Variants in TIE1 observed in about 807,000 individuals in gnomAD.
TIE1 encodes the protein tyrosine-protein kinase receptor Tie-1.
A neutral mutation model predicts 130.5 loss-of-function variants in TIE1; 89 were observed. The observed-to-expected ratio is 0.68, with a 90% CI of 0.57 to 0.81. The LOEUF is 0.81. Ranked by LOEUF, TIE1 falls within the 40% of genes least tolerant of loss-of-function variation. The pLI is 0.00. For missense variants in TIE1, 1,392 were observed against 1,559.8 expected, an observed-to-expected ratio of 0.89 and a Z score of 1.81; for synonymous variants, 568 against 629.4, an observed-to-expected ratio of 0.90 and a Z score of 1.46.
chr1:43,312,739 C>A lies in TIE1; in HGVS notation c.1927+138C>A. On this transcript the variant is annotated intron_variant, in intron 12 of 22. Coordinates refer to ENST00000372476, the MANE Select transcript of TIE1 (RefSeq NM_005424.5). This position sits in a 1 kb window ranked among gnomAD's most constrained non-coding sequence, Gnocchi z 5.6. Reference sequence around the variant, plus strand: ...CACAGGACACACATAGGGTATTAGGCAGACGTGACCCCAGCGGGGACATGG... The same window carrying A: ...CACAGGACACACATAGGGTATTAGGAAGACGTGACCCCAGCGGGGACATGG... 9.8e-7 allele frequency: 1 copy of A among 1,024,244 alleles called. No homozygotes were observed. Among genetic ancestry groups the A allele is most frequent in the Non-Finnish European group, 1.4e-6 (1 of 725,362 alleles). The allele number at this position is 1,024,244 out of a possible 1,614,324, so 63.4% of individuals were successfully genotyped here.
At chr1:43,310,240 T>C (rs2153911454) in intron 9 of TIE1, among the ~76,000 whole-genome samples, 1 of 152,274 alleles carries the variant, frequency 6.6e-6, no homozygotes, top group South Asian at 2.1e-4. Context: ...TGACTATGCA[T>C]GACTCTCTGC....
In TIE1 at chr1:43,313,809, C is replaced by T; in HGVS notation, c.2250C>T (p.Ser750=). The T allele has an allele frequency of 6.2e-7, 1 of 1,613,534 alleles. No homozygotes were observed. The highest frequency in any genetic ancestry group is 8.5e-7 in the Non-Finnish European group (1 of 1,179,816). ...GLQAEGPVQE[S]RAAEEGLDQQ... Reference sequence around the variant, plus strand: ...AGGCTGAGGGCCCAGTCCAAGAGAGCCGGGCAGCTGAAGAGGGCCTGGATC... The same window carrying T: ...AGGCTGAGGGCCCAGTCCAAGAGAGTCGGGCAGCTGAAGAGGGCCTGGATC... The change falls in exon 14 of 23, where the codon AGC becomes AGT. Residue 750 remains serine (S), a synonymous_variant. Transcript: ENST00000372476. This position sits in a 1 kb window ranked among gnomAD's most constrained non-coding sequence, Gnocchi z 6.2.
intron 9 of TIE1, 136 bp from the exon 10 acceptor site, chr1:43,311,535 C>T: frequency 8.3e-7 from 1 of 1,203,250 alleles, no homozygotes; most frequent in East Asian, 2.4e-5. Flanking sequence ...ACTCTGTCCT[C>T]CCTGGGCCCT....
At position 43,318,184 on chromosome 1, in the gene TIE1, A is replaced by C; in HGVS notation, c.2922+112A>C. ...TCTGGGGATTGAGGTTCCTGGCCCA[A>C]GTGTGTGGGTGGGTGCAAGCACAGC... On this transcript the variant is annotated intron_variant, in intron 17 of 22. Transcript: ENST00000372476. This position sits in a 1 kb window ranked among gnomAD's most constrained non-coding sequence, Gnocchi z 4.4. 7.4e-7 allele frequency: 1 copy of C among 1,347,456 alleles called. No individual in the cohort carries two copies. The allele number at this position is 1,347,456 out of a possible 1,614,324, so 83.5% of individuals were successfully genotyped here.
chr1:43,310,242 ACT>A (rs925404476), intron 9 of TIE1, among the ~76,000 whole-genome samples: 4 of 151,154 alleles, frequency 2.6e-5, no homozygotes, highest in East Asian at 3.9e-4. Context: ...ACTATGCATG[ACT>A]CTCTGCCATC....
chr1:43,313,717 G>C lies in TIE1; in HGVS notation c.2219-61G>C. The C allele has an allele frequency of 6.6e-7, 1 of 1,519,226 alleles. No homozygotes were observed. Among genetic ancestry groups the C allele is most frequent in the African/African-American group, 1.4e-5 (1 of 72,894 alleles). 94.1% of individuals were successfully genotyped at this position (1,519,226 alleles called of 1,614,324 possible). ...CACCTCTCCCTCTGTGTAACCCCATGGTGGCCTCTGGGTTCCCTGACCCAG... is the reference window on the plus strand; with the variant it reads ...CACCTCTCCCTCTGTGTAACCCCATCGTGGCCTCTGGGTTCCCTGACCCAG... On this transcript the variant is annotated intron_variant, in intron 13 of 22. Coordinates refer to ENST00000372476, the MANE Select transcript of TIE1 (RefSeq NM_005424.5). The surrounding 1 kb of genome is among the most constrained non-coding windows in gnomAD (Gnocchi z 6.2).
chr1:43,312,440 G>T lies in TIE1; in HGVS notation c.1766G>T (p.Arg589Leu), dbSNP rs148519949. Residue 589 changes from arginine (R) to leucine (L), a missense_variant, in exon 12 of 23, where the codon CGG becomes CTG. Arg to Leu is a moderately radical substitution (Grantham distance 102, BLOSUM62 -2). Coordinates refer to ENST00000372476, the MANE Select transcript of TIE1 (RefSeq NM_005424.5). This position sits in a 1 kb window ranked among gnomAD's most constrained non-coding sequence, Gnocchi z 5.6. Reference protein sequence around the residue: ...GFLLRLWDGTRGQERRENVSS... With the variant: ...GFLLRLWDGTLGQERRENVSS... Reference sequence around the variant, plus strand: ...CTGCTGCGCCTGTGGGACGGGACACGGGGGCAGGAGCGGCGGGAGAACGTC... The same window carrying T: ...CTGCTGCGCCTGTGGGACGGGACACTGGGGCAGGAGCGGCGGGAGAACGTC... The T allele has an allele frequency of 6.2e-7, 1 of 1,611,840 alleles. No homozygotes were observed.
rs1241297936 is a variant in TIE1 at position 43,319,832 on chromosome 1, G to A, written c.3107+303G>A. Reference sequence around the variant, plus strand: ...CTGGCGGATGCTTCCTGAGGTAGATGGAGAGGCCACTCAGGAATTGCTCTC... The same window carrying A: ...CTGGCGGATGCTTCCTGAGGTAGATAGAGAGGCCACTCAGGAATTGCTCTC... On this transcript the variant is annotated intron_variant, in intron 19 of 22. Transcript: ENST00000372476. The surrounding 1 kb of genome is among the most constrained non-coding windows in gnomAD (Gnocchi z 4.7). The A allele has an allele frequency of 2.5e-6, 1 of 401,592 alleles. No individual in the cohort carries two copies. The highest frequency in any genetic ancestry group is 2.0e-5 in the African/African-American group (1 of 49,296). 24.9% of individuals were successfully genotyped at this position (401,592 alleles called of 1,614,324 possible).
chr1:43,312,355 C>A lies in TIE1; in HGVS notation c.1681C>A (p.Arg561=). 1 of 1,576,096 alleles carries A rather than the reference C, an allele frequency of 6.3e-7. No homozygotes were observed. ...LEGWHVEGTD[R]LRVSWSLPLV... ...GGGCTGGCATGTGGAAGGCACTGACCGGCTGCGAGTGAGCTGGTCCTTGCC... is the reference window on the plus strand; with the variant it reads ...GGGCTGGCATGTGGAAGGCACTGACAGGCTGCGAGTGAGCTGGTCCTTGCC... The change falls in exon 12 of 23, where the codon CGG becomes AGG. Residue 561 remains arginine, a synonymous_variant. Transcript: ENST00000372476. This position sits in a 1 kb window ranked among gnomAD's most constrained non-coding sequence, Gnocchi z 5.6.
In TIE1 at chr1:43,318,245, T is replaced by C. The variant is rs1570450929; in HGVS notation, c.2922+173T>C. Reference sequence around the variant, plus strand: ...GGCCAAGGGGCAGGTCTGGAGGAGGTGGGGACTTCCAGTATGGAGGGTGCG... The same window carrying C: ...GGCCAAGGGGCAGGTCTGGAGGAGGCGGGGACTTCCAGTATGGAGGGTGCG... On this transcript the variant is annotated intron_variant, in intron 17 of 22. Coordinates refer to ENST00000372476, the MANE Select transcript of TIE1 (RefSeq NM_005424.5). The surrounding 1 kb of genome is among the most constrained non-coding windows in gnomAD (Gnocchi z 4.4). Among the ~76,000 whole-genome samples the C allele has an allele frequency of 6.6e-6, 1 of 151,602 alleles. No homozygotes were observed. The highest frequency in any genetic ancestry group is 2.4e-5 in the African/African-American group (1 of 41,236).
Position 43,317,334 on chromosome 1 carries a change from A to C in TIE1, c.2545A>C (p.Asn849His). Residue 849 changes from asparagine (N) to histidine (H), a missense_variant, in exon 15 of 23, where the codon AAC becomes CAC. This residue lies in a region of TIE1 where 286 missense variants were observed against 354.4 expected (regional missense o/e 0.81). Coordinates refer to ENST00000372476, the MANE Select transcript of TIE1 (RefSeq NM_005424.5). The surrounding 1 kb of genome is among the most constrained non-coding windows in gnomAD (Gnocchi z 5.1). ...CTTTGAGGACCTCATCGGGGAGGGGAACTTCGGCCAGGTCATCCGGGCCAT... is the reference window on the plus strand; with the variant it reads ...CTTTGAGGACCTCATCGGGGAGGGGCACTTCGGCCAGGTCATCCGGGCCAT... ...ITFEDLIGEG[N>H]FGQVIRAMIK... The C allele has an allele frequency of 6.2e-7, 1 of 1,613,906 alleles. No homozygotes were observed. The highest frequency in any genetic ancestry group is 1.6e-4 in the Middle Eastern group (1 of 6,062).
At position 43,312,275 on chromosome 1, in the gene TIE1, A is replaced by T. The variant is rs1480759103; in HGVS notation, c.1631-30A>T. ...CTGTCCAGCCCCAAGTACCTACTGG[A>T]CAGTTCTGACCCCTGACCTCTGGCC... is the stretch of plus-strand genomic sequence containing the variant. On this transcript the variant is annotated intron_variant, in intron 11 of 22. Transcript: ENST00000372476. The surrounding 1 kb of genome is among the most constrained non-coding windows in gnomAD (Gnocchi z 5.6). 22 of 1,522,538 alleles carry T rather than the reference A, an allele frequency of 1.4e-5. No individual in the cohort carries two copies. Among genetic ancestry groups the T allele is most frequent in the Non-Finnish European group, 1.8e-5 (20 of 1,134,774 alleles). The allele number at this position is 1,522,538 out of a possible 1,614,324, so 94.3% of individuals were successfully genotyped here. A position where few individuals can be genotyped will look rare whatever the true frequency, so the allele number is the denominator to read the frequency against.
chr1:43,318,185 G>A lies in TIE1; in HGVS notation c.2922+113G>A. On this transcript the variant is annotated intron_variant, in intron 17 of 22. Coordinates refer to ENST00000372476, the MANE Select transcript of TIE1 (RefSeq NM_005424.5). The surrounding 1 kb of genome is among the most constrained non-coding windows in gnomAD (Gnocchi z 4.4). ...CTGGGGATTGAGGTTCCTGGCCCAAGTGTGTGGGTGGGTGCAAGCACAGCG... is the reference window on the plus strand; with the variant it reads ...CTGGGGATTGAGGTTCCTGGCCCAAATGTGTGGGTGGGTGCAAGCACAGCG... 1 of 1,337,496 alleles carries A rather than the reference G, an allele frequency of 7.5e-7. No homozygotes were observed. The highest frequency in any genetic ancestry group is 1.5e-5 in the South Asian group (1 of 67,456). The allele number at this position is 1,337,496 out of a possible 1,614,324, so 82.9% of individuals were successfully genotyped here.
In TIE1 at chr1:43,313,368, A is replaced by G; in HGVS notation, c.2161A>G (p.Ser721Gly). 1 of 1,614,036 alleles carries G rather than the reference A, an allele frequency of 6.2e-7. No homozygotes were observed. Among genetic ancestry groups the G allele is most frequent in the Non-Finnish European group, 8.5e-7 (1 of 1,179,950 alleles). Residue 721 changes from serine (S) to glycine (G), a missense_variant, in exon 13 of 23, where the codon AGC becomes GGC. Ser to Gly is a moderately conservative substitution (Grantham distance 56). This residue lies in a region of TIE1 where 551 missense variants were observed against 565.5 expected (regional missense o/e 0.97). Transcript: ENST00000372476. This position sits in a 1 kb window ranked among gnomAD's most constrained non-coding sequence, Gnocchi z 6.2. The stretch of plus-strand genomic sequence containing the variant: ...GCGCTACCTCTTCCGCATGCGGGCC[A>G]GCATTCAGGGGCTCGGGGACTGGAG... Reference protein sequence around the residue: ...STRYLFRMRASIQGLGDWSNT... With the variant: ...STRYLFRMRAGIQGLGDWSNT...
chr1:43,307,424 C>G lies in TIE1; in HGVS notation c.773-8C>G, dbSNP rs759455004. On this transcript the variant is annotated splice_region_variant and splice_polypyrimidine_tract_variant and intron_variant, in intron 5 of 22. Transcript: ENST00000372476. The surrounding 1 kb of genome is among the most constrained non-coding windows in gnomAD (Gnocchi z 5.4). ...GAGGCCCATACACCCCACACACTCT[C>G]TTTCTAGCCTGCAGAGAGGGCCGTT... The G allele has an allele frequency of 1.2e-6, 2 of 1,614,000 alleles. No homozygotes were observed. The highest frequency in any genetic ancestry group is 1.7e-6 in the Non-Finnish European group (2 of 1,179,936).
At chr1:43,314,520 G>T in intron 14 of TIE1, 1 of 1,000,726 alleles carries the variant, frequency 1.0e-6, no homozygotes, top group Non-Finnish European at 1.2e-6. Flanking sequence ...AAATCCCAGG[G>T]CCTCCTTTTG....
chr1:43,313,974 T>G lies in TIE1; in HGVS notation c.2409+6T>G, dbSNP rs1445913772. 6.2e-7 allele frequency: 1 copy of G among 1,613,406 alleles called. No individual in the cohort carries two copies. The highest frequency in any genetic ancestry group is 8.5e-7 in the Non-Finnish European group (1 of 1,179,658). Reference sequence around the variant, plus strand: ...TCACCTACCAGTCAGGCTCGGTCAGTGACCCGCCCCGCCCCTGGGTGCATG... The same window carrying G: ...TCACCTACCAGTCAGGCTCGGTCAGGGACCCGCCCCGCCCCTGGGTGCATG... On this transcript the variant is annotated splice_donor_region_variant and intron_variant, in intron 14 of 22. Transcript: ENST00000372476. The surrounding 1 kb of genome is among the most constrained non-coding windows in gnomAD (Gnocchi z 6.2).
In TIE1 at chr1:43,307,546, G is replaced by T. The variant is rs760175362; in HGVS notation, c.887G>T (p.Gly296Val). The T allele has an allele frequency of 6.2e-7, 1 of 1,614,106 alleles. No individual in the cohort carries two copies. The highest frequency in any genetic ancestry group is 1.3e-5 in the African/African-American group (1 of 75,038). Reference protein sequence around the residue: ...PDPYGCSCGSGWRGSQCQEAC... With the variant: ...PDPYGCSCGSVWRGSQCQEAC... ...CCCTATGGCTGCTCTTGTGGATCTG[G>T]CTGGAGAGGAAGCCAGTGCCAAGAA... The change falls in exon 6 of 23, where the codon GGC (glycine) becomes GTC (valine). Residue 296 changes from glycine (G) to valine (V), a missense_variant. Physicochemically the swap from Gly to Val is moderately radical, Grantham distance 109 (BLOSUM62 -3). Transcript: ENST00000372476. The surrounding 1 kb of genome is among the most constrained non-coding windows in gnomAD (Gnocchi z 5.4).
chr1:43,311,992 A>G lies in TIE1; in HGVS notation c.1493-2A>G, dbSNP rs1383117807. On this transcript the variant is annotated splice_acceptor_variant, in intron 10 of 22. Coordinates refer to ENST00000372476, the MANE Select transcript of TIE1 (RefSeq NM_005424.5). LOFTEE classifies it high-confidence loss of function. ...AATGTGTGCTTTACACCCCACGCCCAGTGGACCCCAGTGAGAACGTGACGT... is the reference window on the plus strand; with the variant it reads ...AATGTGTGCTTTACACCCCACGCCCGGTGGACCCCAGTGAGAACGTGACGT... 1.9e-6 allele frequency: 3 copies of G among 1,583,092 alleles called. No homozygotes were observed. Among genetic ancestry groups the G allele is most frequent in the Non-Finnish European group, 2.6e-6 (3 of 1,161,556 alleles).
Sources: gnomAD v4.1 joint callset for allele counts (sites outside exome capture counted in the v4.1 genomes callset) on GRCh38, gnomAD v4.1.1 for gene constraint, gnomAD v4.1.1 regional missense constraint, Gnocchi (gnomAD v3.1) non-coding constraint, MANE v1.5 for transcripts, NCBI Gene and HGNC (gene_info 2026-07-23, HGNC 2026-07-21) for gene names.